ARHGAP6: variants seen among roughly 807,000 people sequenced by gnomAD.
ARHGAP6 encodes the protein rho GTPase-activating protein 6.
In ARHGAP6, 16 loss-of-function variants were observed where a neutral mutation model predicts 55.7. The observed-to-expected ratio is 0.29, with a 90% CI of 0.19 to 0.44. The LOEUF (loss-of-function observed/expected upper bound fraction) is 0.44, where lower values mean the gene tolerates loss of function less well. Among genes scored for constraint, ARHGAP6 ranks in the 20% least tolerant of loss-of-function variants. ARHGAP6 has a pLI of 1.00. For missense variants in ARHGAP6, 698 were observed against 808.9 expected, an observed-to-expected ratio of 0.86 and a Z score of 1.66; for synonymous variants, 382 against 360.9, an observed-to-expected ratio of 1.06 and a Z score of -0.66.
chrX:11,230,610 A>T (rs866320974), intron 2 of ARHGAP6, among the ~76,000 whole-genome samples: 1 of 98,153 alleles, frequency 1.0e-5, no homozygotes, highest in African/African-American at 3.7e-5. Flanking sequence ...AGTTATTAGG[A>T]GTGTGTGTGT....
At chrX:11,609,617 A>T (rs776320570) in intron 1 of ARHGAP6, among the ~76,000 whole-genome samples, 1 of 112,138 alleles carries the variant, frequency 8.9e-6, no homozygotes, top group Non-Finnish European at 1.9e-5. Context: ...AGGACCTTGC[A>T]GTGGCAACCT....
intron 1 of ARHGAP6, among the ~76,000 whole-genome samples, chrX:11,301,196 T>C (rs2048170796): frequency 1.8e-5 from 2 of 111,891 alleles, no homozygotes; most frequent in Non-Finnish European, 3.8e-5. Flanking sequence ...AAAAAGATTT[T>C]TAAATGAAAT....
intron 1 of ARHGAP6, among the ~76,000 whole-genome samples, chrX:11,590,930 A>T (rs964867421): frequency 2.0e-5 from 2 of 101,020 alleles, no homozygotes; most frequent in African/African-American, 3.6e-5. Flanking sequence ...AAAAGAAAAG[A>T]TAAGTTAAGT....
chrX:11,618,062 A>G (rs745426588), intron 1 of ARHGAP6, among the ~76,000 whole-genome samples: 1 of 111,893 alleles, frequency 8.9e-6, no homozygotes, highest in East Asian at 2.8e-4. Flanking sequence ...TAACAGAAGC[A>G]TTGTCAGAGA....
At chrX:11,646,762 CCAAA>C (rs1022624630) in intron 1 of ARHGAP6, among the ~76,000 whole-genome samples, 1 of 111,587 alleles carries the variant, frequency 9.0e-6, no homozygotes, top group African/African-American at 3.2e-5. Flanking sequence ...ATGACATAAG[CCAAA>C]CAAACAAAAT....
At chrX:11,548,458 T>G (rs2051233675) in intron 1 of ARHGAP6, among the ~76,000 whole-genome samples, 2 of 111,319 alleles carry the variant, frequency 1.8e-5, no homozygotes, top group African/African-American at 6.5e-5. Context: ...TACTCTTTAC[T>G]TCCTTTGGCT....
intron 1 of ARHGAP6, among the ~76,000 whole-genome samples, chrX:11,568,994 T>G (rs777883825): frequency 2.1e-4 from 24 of 111,922 alleles, no homozygotes; most frequent in African/African-American, 7.8e-4. Flanking sequence ...TACTTAGTGA[T>G]GAAAAAGCTC....
intron 1 of ARHGAP6, among the ~76,000 whole-genome samples, chrX:11,614,056 C>G (rs1391991812): frequency 9.0e-6 from 1 of 111,239 alleles, no homozygotes; most frequent in Non-Finnish European, 1.9e-5. Context: ...GGGCACCACC[C>G]ACTTCTCTAT....
intron 1 of ARHGAP6, among the ~76,000 whole-genome samples, chrX:11,605,233 T>C (rs1027538034): frequency 1.5e-4 from 17 of 111,436 alleles, no homozygotes; most frequent in Admixed American, 1.2e-3. Flanking sequence ...TGGATTTCCA[T>C]GGGAGACTCA....
intron 1 of ARHGAP6, among the ~76,000 whole-genome samples, chrX:11,531,393 G>A (rs7058808): frequency 0.1 from 11,564 of 110,860 alleles, 740 homozygotes; most frequent in African/African-American, 0.23. Flanking sequence ...AAATGTAAAA[G>A]TTTACATTGT....
intron 1 of ARHGAP6, among the ~76,000 whole-genome samples, chrX:11,265,228 G>T (rs1376163863): frequency 1.8e-5 from 2 of 111,950 alleles, no homozygotes; most frequent in Non-Finnish European, 3.8e-5. Context: ...TTCCTCTTTT[G>T]TAAAAGACAG....
intron 1 of ARHGAP6, among the ~76,000 whole-genome samples, chrX:11,312,050 G>T (rs995501102): frequency 1.8e-5 from 2 of 111,589 alleles, no homozygotes; most frequent in Admixed American, 1.9e-4. Context: ...GTGTGGGATT[G>T]GAAAAACTGT....
chrX:11,631,796 G>A (rs2052364728), intron 1 of ARHGAP6, among the ~76,000 whole-genome samples: 1 of 112,313 alleles, frequency 8.9e-6, no homozygotes, highest in Non-Finnish European at 1.9e-5. Context: ...TAAAATGGGT[G>A]TAGCTATGTC....
intron 1 of ARHGAP6, among the ~76,000 whole-genome samples, chrX:11,591,572 C>T (rs1007235806): frequency 6.3e-5 from 7 of 111,063 alleles, no homozygotes; most frequent in African/African-American, 2.0e-4. Context: ...TACTACAACA[C>T]GGGTGCTAAA....
At chrX:11,211,849 T>G (rs1486771912) in intron 2 of ARHGAP6, among the ~76,000 whole-genome samples, 1 of 111,893 alleles carries the variant, frequency 8.9e-6, no homozygotes, top group South Asian at 3.7e-4. Flanking sequence ...CTGGGAACAG[T>G]TTTTAAAAAT....
chrX:11,412,053 C>A (rs1344822294), intron 1 of ARHGAP6, among the ~76,000 whole-genome samples: 1 of 111,364 alleles, frequency 9.0e-6, no homozygotes. Context: ...AAAGATATAT[C>A]AAAAATATAT....
intron 1 of ARHGAP6, among the ~76,000 whole-genome samples, chrX:11,416,164 G>A (rs992058529): frequency 9.0e-6 from 1 of 111,431 alleles, no homozygotes; most frequent in Non-Finnish European, 1.9e-5. Flanking sequence ...TATCATGGAA[G>A]GCCTCATTCT....
chrX:11,369,524 C>T (rs757383893), intron 1 of ARHGAP6, among the ~76,000 whole-genome samples: 1 of 111,425 alleles, frequency 9.0e-6, no homozygotes, highest in Admixed American at 9.6e-5. Context: ...TCAAACCTTG[C>T]CCTCATCACT....
intron 2 of ARHGAP6, chrX:11,223,202 C>A: frequency 6.1e-6 from 1 of 163,807 alleles, no homozygotes. Context: ...GGATTGAAAG[C>A]GTTGCAAAAG....
Sources: gnomAD v4.1 joint callset for allele counts (sites outside exome capture counted in the v4.1 genomes callset) on GRCh38, gnomAD v4.1.1 for gene constraint, MANE v1.5 for transcripts, NCBI Gene and HGNC (gene_info 2026-07-23, HGNC 2026-07-21) for gene names.